Variants in RBFOX1 observed in about 807,000 individuals in gnomAD.
The protein encoded by RBFOX1 is RNA binding fox-1 homolog 1.
Under a neutral mutation model 57.7 loss-of-function variants are expected in RBFOX1, and 8 were observed. That is an observed-to-expected ratio of 0.14 (90% CI 0.08 to 0.25). The LOEUF (loss-of-function observed/expected upper bound fraction) is 0.25. Ranked by LOEUF, RBFOX1 falls within the 10% of genes least tolerant of loss-of-function variation. The probability of loss-of-function intolerance (pLI) is 1.00; values close to 1 mark genes in which losing one functional copy is unlikely to be tolerated. For missense variants in RBFOX1, 611 were observed against 548.5 expected (o/e 1.11, Z -1.14); for synonymous variants, 326 against 222.4 (o/e 1.47, Z -4.15).
intron 5 of RBFOX1, among the ~76,000 whole-genome samples, chr16:7,568,862 G>A (rs191611516): frequency 7.1e-6 from 1 of 140,682 alleles, no homozygotes; most frequent in South Asian, 2.4e-4. Context: ...ACTCCAGCCT[G>A]GGTGATAGAG....
intron 3 of RBFOX1, among the ~76,000 whole-genome samples, chr16:5,694,399 G>T (rs2050786012): frequency 6.6e-6 from 1 of 152,170 alleles, no homozygotes; most frequent in South Asian, 2.1e-4. Context: ...GGCAGCAGTT[G>T]AGATTTCCTG....
Position 6,656,031 on chromosome 16 carries a change from C to T in RBFOX1, c.-16+1381C>T, listed in dbSNP as rs186505605. On this transcript the variant is annotated intron_variant, in intron 3 of 15. Transcript: ENST00000550418. Reference sequence around the variant, plus strand: ...GATCCCAGCTTGCAGTTTTGTGTTGCTCTAGTTTGCTGGCAAAGGAATTTC... The same window carrying T: ...GATCCCAGCTTGCAGTTTTGTGTTGTTCTAGTTTGCTGGCAAAGGAATTTC... Among the ~76,000 whole-genome samples the T allele has an allele frequency of 5.7e-4, 87 of 152,268 alleles. 1 individual carries two copies. The highest frequency in any genetic ancestry group is 2.0e-3 in the African/African-American group (85 of 41,544).
At chr16:5,692,145 C>A (rs1385650543) in intron 3 of RBFOX1, among the ~76,000 whole-genome samples, 1 of 150,490 alleles carries the variant, frequency 6.6e-6, no homozygotes, top group Non-Finnish European at 1.5e-5. Flanking sequence ...AATACCAAAC[C>A]CATGCATAAT....
intron 2 of RBFOX1, among the ~76,000 whole-genome samples, chr16:5,541,355 C>T (rs994045042): frequency 3.3e-5 from 5 of 152,040 alleles, no homozygotes; most frequent in Admixed American, 6.6e-5. Flanking sequence ...ATGACACTGC[C>T]TCAGGAGGTC....
At chr16:6,549,966 T>C (rs2096960968) in intron 2 of RBFOX1, among the ~76,000 whole-genome samples, 1 of 152,172 alleles carries the variant, frequency 6.6e-6, no homozygotes. Context: ...GCTTTGCTTT[T>C]ACAGTGGATT....
intron 2 of RBFOX1, among the ~76,000 whole-genome samples, chr16:6,353,520 T>A (rs868658806): frequency 1.7e-4 from 26 of 152,110 alleles, no homozygotes; most frequent in Middle Eastern, 3.4e-3. Context: ...GGTTTAGGCA[T>A]GGGGATGGTC....
chr16:5,288,549 A>G (rs1481394398), intron 1 of RBFOX1, among the ~76,000 whole-genome samples: 2 of 152,122 alleles, frequency 1.3e-5, no homozygotes, highest in Non-Finnish European at 2.9e-5. Flanking sequence ...TTCAACAAAG[A>G]TAATATTTGC....
At chr16:6,977,859 G>A (rs1269876354) in intron 3 of RBFOX1, among the ~76,000 whole-genome samples, 1 of 145,988 alleles carries the variant, frequency 6.8e-6, no homozygotes, top group Admixed American at 7.0e-5. Context: ...TCCCAATCTG[G>A]TCTGAGAGAA....
At chr16:6,009,895 T>A (rs1006817192) in intron 4 of RBFOX1, among the ~76,000 whole-genome samples, 5 of 151,758 alleles carry the variant, frequency 3.3e-5, no homozygotes, top group African/African-American at 9.7e-5. Context: ...AATCAGAATC[T>A]CCAGCATGGA....
At chr16:5,698,365 A>G (rs185760997) in intron 3 of RBFOX1, among the ~76,000 whole-genome samples, 4 of 152,258 alleles carry the variant, frequency 2.6e-5, no homozygotes, top group East Asian at 3.9e-4. Context: ...GGGTGTGTAT[A>G]TTAGATAGAC....
chr16:6,963,861 G>C, intron 3 of RBFOX1, among the ~76,000 whole-genome samples: 1 of 151,752 alleles, frequency 6.6e-6, no homozygotes, highest in East Asian at 1.9e-4. Flanking sequence ...ACCACGCCTG[G>C]CTAATTTTTT....
At chr16:5,692,033 C>G (rs994082906) in intron 3 of RBFOX1, among the ~76,000 whole-genome samples, 2 of 150,772 alleles carry the variant, frequency 1.3e-5, no homozygotes, top group Non-Finnish European at 3.0e-5. Flanking sequence ...TTTTTTTTTG[C>G]CATTCTGTGT....
At chr16:6,753,853 T>C (rs2075359655) in intron 3 of RBFOX1, among the ~76,000 whole-genome samples, 2 of 152,158 alleles carry the variant, frequency 1.3e-5, no homozygotes, top group South Asian at 2.1e-4. Context: ...TTTGCCGAGC[T>C]GAGTTTTATG....
chr16:6,651,191 C>G (rs2098591655), intron 2 of RBFOX1, among the ~76,000 whole-genome samples: 1 of 152,142 alleles, frequency 6.6e-6, no homozygotes, highest in Admixed American at 6.5e-5. Flanking sequence ...CGTGAGCCAC[C>G]ACACCCGGCC....
chr16:5,839,788 G>T (rs934286066), intron 3 of RBFOX1, among the ~76,000 whole-genome samples: 4 of 152,112 alleles, frequency 2.6e-5, no homozygotes, highest in Non-Finnish European at 1.5e-5. Context: ...GGATGAATGC[G>T]GTTTTCTTTT....
intron 4 of RBFOX1, among the ~76,000 whole-genome samples, chr16:7,400,791 G>A (rs1220976962): frequency 2.0e-5 from 3 of 152,212 alleles, no homozygotes; most frequent in African/African-American, 4.8e-5. Flanking sequence ...CAGCAGCATG[G>A]TGGTGATGTT....
intron 3 of RBFOX1, among the ~76,000 whole-genome samples, chr16:6,976,797 TATATG>T (rs201118325): frequency 0.041 from 5,807 of 142,416 alleles, 383 homozygotes; most frequent in African/African-American, 0.14. Flanking sequence ...ATATATATGA[TATATG>T]AGATATAAAT....
intron 2 of RBFOX1, among the ~76,000 whole-genome samples, chr16:6,411,958 C>T (rs1264312793): frequency 6.6e-6 from 1 of 150,806 alleles, no homozygotes; most frequent in Admixed American, 6.7e-5. Flanking sequence ...ACAGTGAAAC[C>T]CTGTCTCTAC....
intron 3 of RBFOX1, among the ~76,000 whole-genome samples, chr16:5,856,533 G>C (rs1284211330): frequency 1.8e-5 from 1 of 55,932 alleles, no homozygotes; most frequent in Non-Finnish European, 3.3e-5. Flanking sequence ...ATTCATATAT[G>C]TGTATGTGTG....
Sources: gnomAD v4.1 joint callset for allele counts (sites outside exome capture counted in the v4.1 genomes callset) on GRCh38, gnomAD v4.1.1 for gene constraint, MANE v1.5 for transcripts, NCBI Gene and HGNC (gene_info 2026-07-23, HGNC 2026-07-21) for gene names.